The following RPGRIP1 variants were observed in gnomAD, a reference collection of about 807,000 sequenced individuals.
The protein encoded by RPGRIP1 is RPGR interacting protein 1, also known as X-linked retinitis pigmentosa GTPase regulator-interacting protein 1.
In RPGRIP1, 128 loss-of-function variants were observed where a neutral mutation model predicts 157.9. The ratio of observed to expected loss-of-function variants is 0.81; its 90% CI spans 0.70 to 0.94. The LOEUF is 0.94. Ranked by LOEUF, RPGRIP1 falls within the 40% of genes least tolerant of loss-of-function variation. The pLI, the probability that RPGRIP1 is intolerant of heterozygous loss-of-function variation, is 0.00. For synonymous variants in RPGRIP1, 554 were observed against 571.6 expected (o/e 0.97, Z 0.44); for missense variants, 1,486 against 1,545.8 (o/e 0.96, Z 0.65).
At chr14:21,288,513 T>A (rs1000557159) in intron 2 of RPGRIP1, among the ~76,000 whole-genome samples, 1 of 150,360 alleles carries the variant, frequency 6.7e-6, no homozygotes, top group South Asian at 2.1e-4. Flanking sequence ...AGTTCTTTTT[T>A]TTTTTCTTTT....
In RPGRIP1 at chr14:21,307,806, G is replaced by T. The variant is rs1291601634; in HGVS notation, c.876G>T (p.Met292Ile). 2 of 1,565,030 alleles carry T rather than the reference G, an allele frequency of 1.3e-6. No homozygotes were observed. The highest frequency in any genetic ancestry group is 2.4e-5 in the South Asian group (2 of 83,114). The change falls in exon 7 of 25, where the codon ATG becomes ATT. Residue 292 changes from methionine (M) to isoleucine (I), a missense_variant. Met to Ile is a conservative substitution (Grantham distance 10). Coordinates refer to ENST00000400017, the MANE Select transcript of RPGRIP1 (RefSeq NM_020366.4). ...LLHERNASLV[M>I]TKAQLTEVQE... is the part of the protein sequence containing the mutation. ...ATGAAAGAAATGCTTCATTGGTTAT[G>T]ACAAAAGCACAATTAACAGAAGTTC...
At chr14:21,303,156 C>G (rs1480230742) in intron 5 of RPGRIP1, among the ~76,000 whole-genome samples, 175 bp from the exon 6 acceptor site, 1 of 151,956 alleles carries the variant, frequency 6.6e-6, no homozygotes, top group African/African-American at 2.4e-5. Flanking sequence ...GTGTGAGCCA[C>G]CACGCCTGGC....
At chr14:21,317,224 G>A (rs762693438) in intron 10 of RPGRIP1, among the ~76,000 whole-genome samples, 1 of 152,210 alleles carries the variant, frequency 6.6e-6, no homozygotes, top group Non-Finnish European at 1.5e-5. Context: ...GGATACAGTT[G>A]TTGAAAAGTT....
At chr14:21,333,780 G>A (rs569448268) in intron 20 of RPGRIP1, among the ~76,000 whole-genome samples, 30 of 152,126 alleles carry the variant, frequency 2.0e-4, no homozygotes, top group Admixed American at 3.9e-4. Flanking sequence ...CACTCCTACC[G>A]TACTCTTTCA....
At chr14:21,345,525 C>T (rs1280066460) in intron 23 of RPGRIP1, among the ~76,000 whole-genome samples, 1 of 150,532 alleles carries the variant, frequency 6.6e-6, no homozygotes, top group Non-Finnish European at 1.5e-5. Context: ...GCCTCTGCCT[C>T]CCAAGTAGCT....
At chr14:21,348,674 T>G (rs2139368435) in intron 24 of RPGRIP1, among the ~76,000 whole-genome samples, 1 of 149,248 alleles carries the variant, frequency 6.7e-6, no homozygotes, top group South Asian at 2.2e-4. Context: ...TTTTTTTTTT[T>G]TTTTTTTTTG....
At chr14:21,339,218 TG>T (rs1443084534) in intron 21 of RPGRIP1, among the ~76,000 whole-genome samples, 6 of 151,688 alleles carry the variant, frequency 4.0e-5, no homozygotes, top group African/African-American at 1.5e-4. Context: ...GAGGCCGAGG[TG>T]GGCTGATCAT....
At chr14:21,336,978 G>A (rs1594247856) in intron 21 of RPGRIP1, among the ~76,000 whole-genome samples, 2 of 152,168 alleles carry the variant, frequency 1.3e-5, no homozygotes, top group African/African-American at 2.4e-5. Context: ...CAAAAAATTA[G>A]TGTTATTATC....
chr14:21,303,093 C>A, intron 5 of RPGRIP1: 1 of 406,440 alleles, frequency 2.5e-6, no homozygotes, highest in Non-Finnish European at 4.5e-6. Context: ...TTGTCTCCAA[C>A]TCCTGACCTT....
chr14:21,332,523 T>C (rs1745353485), intron 20 of RPGRIP1, among the ~76,000 whole-genome samples: 1 of 152,200 alleles, frequency 6.6e-6, no homozygotes, highest in African/African-American at 2.4e-5. Flanking sequence ...AATAGTAGAA[T>C]AAATAGTAAC....
intron 2 of RPGRIP1, among the ~76,000 whole-genome samples, chr14:21,290,128 A>G (rs1346357073): frequency 6.6e-6 from 1 of 151,992 alleles, no homozygotes; most frequent in Non-Finnish European, 1.5e-5. Context: ...AAGTGCTGGG[A>G]TTACAGGCAG....
rs756504836 is a variant in RPGRIP1 at position 21,303,426 on chromosome 14, C to T, written c.683C>T (p.Ala228Val). 5.0e-5 allele frequency: 81 copies of T among 1,613,572 alleles called. No individual in the cohort carries two copies. Among genetic ancestry groups the T allele is most frequent in the Non-Finnish European group, 6.7e-5 (79 of 1,179,726 alleles). ...ATGCCTAACAGTGCCCACATCATGGCCAGCAATACCATGCAAGTGGAAGAG... is the reference window on the plus strand; with the variant it reads ...ATGCCTAACAGTGCCCACATCATGGTCAGCAATACCATGCAAGTGGAAGAG... ...LCMPNSAHIMASNTMQVEEPP... is the reference protein window; with the variant it reads ...LCMPNSAHIMVSNTMQVEEPP... Residue 228 changes from alanine to valine, a missense_variant, in exon 6 of 25, where the codon GCC becomes GTC. Coordinates refer to ENST00000400017, the MANE Select transcript of RPGRIP1 (RefSeq NM_020366.4).
intron 21 of RPGRIP1, 101 bp from the exon 22 acceptor site, chr14:21,342,935 G>A: frequency 1.3e-6 from 1 of 791,564 alleles, no homozygotes; most frequent in East Asian, 2.5e-5. Flanking sequence ...TTATACCTAT[G>A]GTTGATTTCT....
At chr14:21,294,626 C>CA in intron 2 of RPGRIP1, 51 bp from the exon 3 acceptor site, 1 of 1,589,078 alleles carries the variant, frequency 6.3e-7, no homozygotes, top group Non-Finnish European at 8.6e-7. Context: ...CTAAAGGGTT[C>CA]AAAAAATAGG....
At chr14:21,287,659 A>G (rs1880347487) in intron 1 of RPGRIP1, among the ~76,000 whole-genome samples, 1 of 152,162 alleles carries the variant, frequency 6.6e-6, no homozygotes, top group South Asian at 2.1e-4. Context: ...AGGGATGGTC[A>G]TCGGCTTCCA....
intron 14 of RPGRIP1, among the ~76,000 whole-genome samples, chr14:21,322,774 T>C (rs1029910700): frequency 2.0e-5 from 3 of 152,192 alleles, no homozygotes; most frequent in African/African-American, 7.2e-5. Context: ...TCTTAAAAGC[T>C]CTAAAATCTT....
chr14:21,325,834 A>C lies in RPGRIP1; in HGVS notation c.2371A>C (p.Arg791=). Residue 791 remains arginine, a synonymous_variant, in exon 17 of 25, where the codon AGA becomes CGA. Transcript: ENST00000400017. ...TCCATGACCAACATCTTTCCAGTTCAGATCGGAGTCTTGGGAACCTCAGAA... is the reference window on the plus strand; with the variant it reads ...TCCATGACCAACATCTTTCCAGTTCCGATCGGAGTCTTGGGAACCTCAGAA... The part of the protein sequence containing the change: ...GGRKAQEEEF[R]SESWEPQNEL... 1 of 1,610,562 alleles carries C rather than the reference A, an allele frequency of 6.2e-7. No individual in the cohort carries two copies. Among genetic ancestry groups the C allele is most frequent in the Non-Finnish European group, 8.5e-7 (1 of 1,177,398 alleles).
Position 21,311,850 on chromosome 14 carries a change from T to C in RPGRIP1, c.957T>C (p.His319=), listed in dbSNP as rs778477037. The C allele has an allele frequency of 1.2e-6, 2 of 1,610,024 alleles. No individual in the cohort carries two copies. The highest frequency in any genetic ancestry group is 1.7e-5 in the Admixed American group (1 of 59,096). Residue 319 remains histidine, a synonymous_variant, in exon 9 of 25, where the codon CAT becomes CAC. Coordinates refer to ENST00000400017, the MANE Select transcript of RPGRIP1 (RefSeq NM_020366.4). The part of the protein sequence containing the change: ...QKNQGILSAA[H]EALLKQVNEL... Reference sequence around the variant, plus strand: ...ATCAGGGAATCCTGAGTGCAGCCCATGAGGCCCTCCTCAAGCAAGTGAATG... The same window carrying C: ...ATCAGGGAATCCTGAGTGCAGCCCACGAGGCCCTCCTCAAGCAAGTGAATG...
intron 14 of RPGRIP1, among the ~76,000 whole-genome samples, chr14:21,323,427 G>GA (rs1007106147): frequency 0.012 from 1,670 of 134,218 alleles, 34 homozygotes; most frequent in African/African-American, 0.043. Flanking sequence ...GTCTCAAAAA[G>GA]AAAAAAAAAA....
Sources: allele counts gnomAD v4.1 joint callset (sites outside exome capture counted in the v4.1 genomes callset), GRCh38; gene constraint gnomAD v4.1.1; transcripts MANE v1.5; gene names NCBI Gene and HGNC (gene_info 2026-07-23, HGNC 2026-07-21).